The following BCL11B variants were observed in gnomAD, a reference collection of about 807,000 sequenced individuals.
BCL11B encodes the protein BCL11 transcription factor B.
Under a neutral mutation model 49.9 loss-of-function variants are expected in BCL11B, and 8 were observed. The ratio of observed to expected loss-of-function variants is 0.16; its 90% CI spans 0.09 to 0.29. The LOEUF (loss-of-function observed/expected upper bound fraction) is 0.29, where lower values mean the gene tolerates loss of function less well. Among genes scored for constraint, BCL11B ranks in the 10% least tolerant of loss-of-function variants. The probability of loss-of-function intolerance (pLI) is 1.00; values close to 1 mark genes in which losing one functional copy is unlikely to be tolerated. For synonymous variants in BCL11B, 739 were observed against 637.4 expected, an observed-to-expected ratio of 1.16 and a Z score of -2.40; for missense variants, 1,006 against 1,351.0, an observed-to-expected ratio of 0.74 and a Z score of 4.00.
chr14:99,214,676 A>AT (rs1887781739), intron 3 of BCL11B, among the ~76,000 whole-genome samples: 1 of 151,372 alleles, frequency 6.6e-6, no homozygotes. Flanking sequence ...TTAAAAAAAT[A>AT]AATAAATAAA....
At chr14:99,178,416 C>T (rs1169704164) in intron 3 of BCL11B, among the ~76,000 whole-genome samples, 1 of 152,216 alleles carries the variant, frequency 6.6e-6, no homozygotes, top group East Asian at 1.9e-4. Flanking sequence ...GGGAAACCTC[C>T]CCACCTAAGA....
chr14:99,242,408 T>C lies in BCL11B; in HGVS notation c.428-10851A>G, dbSNP rs1333180777. Among the ~76,000 whole-genome samples, 1 of 152,224 alleles carries C rather than the reference T, an allele frequency of 6.6e-6. No individual in the cohort carries two copies. The highest frequency in any genetic ancestry group is 1.5e-5 in the Non-Finnish European group (1 of 68,046). On this transcript the variant is annotated intron_variant, in intron 2 of 3. Coordinates refer to ENST00000357195, the MANE Select transcript of BCL11B (RefSeq NM_138576.4). This position sits in a 1 kb window ranked among gnomAD's most constrained non-coding sequence, Gnocchi z 4.4. ...GGAGAGGGGAATATCACGGCCTTCC[T>C]TGCCCAGCCTTGCATGCCCACGTGG... is the stretch of plus-strand genomic sequence containing the variant.
intron 2 of BCL11B, among the ~76,000 whole-genome samples, chr14:99,245,956 G>A (rs1443907582): frequency 2.0e-5 from 3 of 152,128 alleles, no homozygotes; most frequent in Non-Finnish European, 4.4e-5. Flanking sequence ...GGGGCGGGGG[G>A]GAAAGGAGCC....
At chr14:99,198,972 C>CCACT (rs1469890359) in intron 3 of BCL11B, among the ~76,000 whole-genome samples, 2 of 152,178 alleles carry the variant, frequency 1.3e-5, no homozygotes, top group Admixed American at 1.3e-4. Context: ...TCCCCGGACA[C>CCACT]CACTTGCTCA....
At position 99,205,002 on chromosome 14, in the gene BCL11B, GA is replaced by G. The variant is rs1447117042; in HGVS notation, c.640+26342del. ...AGTCTGTGCCCCCTGTCCTTGGATG[GA>G]GGGGTACCTGGGACAGGACAGGCGG... On this transcript the variant is annotated intron_variant, in intron 3 of 3. Coordinates refer to ENST00000357195, the MANE Select transcript of BCL11B (RefSeq NM_138576.4). This position sits in a 1 kb window ranked among gnomAD's most constrained non-coding sequence, Gnocchi z 5.0. Among the ~76,000 whole-genome samples, 4 of 152,174 alleles carry G rather than the reference GA, an allele frequency of 2.6e-5. No homozygotes were observed. The highest frequency in any genetic ancestry group is 2.0e-4 in the Admixed American group (3 of 15,282).
At chr14:99,261,501 G>A (rs1454905037) in intron 1 of BCL11B, among the ~76,000 whole-genome samples, 3 of 152,122 alleles carry the variant, frequency 2.0e-5, no homozygotes, top group African/African-American at 7.2e-5. Context: ...GGTCCAACCT[G>A]CCACCCAGAG....
At chr14:99,237,310 T>C (rs183131286) in intron 2 of BCL11B, among the ~76,000 whole-genome samples, 132 of 152,144 alleles carry the variant, frequency 8.7e-4, no homozygotes, top group African/African-American at 3.0e-3. Context: ...TTCCATTTCA[T>C]TGTAAAATAT....
At position 99,244,299 on chromosome 14, in the gene BCL11B, C is replaced by T. The variant is rs180671446; in HGVS notation, c.428-12742G>A. 4.0e-4 allele frequency among the ~76,000 whole-genome samples: 61 copies of T among 151,804 alleles called. 2 individuals carry two copies. The East Asian group carries it at 0.011, about 27-fold the overall frequency. ...AGCAAAACATGAACAATTACCCCCC[C>T]CTCACACACACACACACCCCTAGTC... is the stretch of plus-strand genomic sequence containing the variant. On this transcript the variant is annotated intron_variant, in intron 2 of 3. Coordinates refer to ENST00000357195, the MANE Select transcript of BCL11B (RefSeq NM_138576.4).
At chr14:99,259,388 G>A (rs1342958962) in intron 1 of BCL11B, among the ~76,000 whole-genome samples, 2 of 152,162 alleles carry the variant, frequency 1.3e-5, no homozygotes, top group Non-Finnish European at 2.9e-5. Flanking sequence ...TTCTGAACAC[G>A]AGCCTATGCA....
intron 3 of BCL11B, among the ~76,000 whole-genome samples, chr14:99,199,572 G>A (rs890829822): frequency 1.3e-5 from 2 of 151,974 alleles, no homozygotes; most frequent in African/African-American, 4.8e-5. Context: ...TTTGGAAAGC[G>A]ACCACAAGGC....
Position 99,175,096 on chromosome 14 carries a change from C to T in BCL11B, c.1740G>A (p.Gly580=), listed in dbSNP as rs1442635543. 6.3e-7 allele frequency: 1 copy of T among 1,599,410 alleles called. No homozygotes were observed. The highest frequency in any genetic ancestry group is 1.1e-5 in the South Asian group (1 of 90,804). Residue 580 remains glycine (G), a synonymous_variant, in exon 4 of 4, where the codon GGG becomes GGA. Transcript: ENST00000357195. The part of the protein sequence containing the change: ...GGGVPGVPGA[G]GGAAKALADE... ...CAGCCAGCGCCTTGGCCGCGCCGCC[C>T]CCCGCGCCCGGGACCCCGGGCACCC...
intron 3 of BCL11B, among the ~76,000 whole-genome samples, chr14:99,198,042 A>AAG (rs1887229134): frequency 6.6e-6 from 1 of 152,212 alleles, no homozygotes; most frequent in Non-Finnish European, 1.5e-5. Context: ...TGATCCATCG[A>AAG]AGGGCTGGAT....
chr14:99,247,502 G>C lies in BCL11B; in HGVS notation c.427+9969C>G, dbSNP rs1343074413. On this transcript the variant is annotated intron_variant, in intron 2 of 3. Transcript: ENST00000357195. The surrounding 1 kb of genome is among the most constrained non-coding windows in gnomAD (Gnocchi z 4.5). Reference sequence around the variant, plus strand: ...TGTCTCTCTGAGCCCAGGACAGCCAGTCTCTGCCCTCAAACCCCAAGGGAG... The same window carrying C: ...TGTCTCTCTGAGCCCAGGACAGCCACTCTCTGCCCTCAAACCCCAAGGGAG... Among the ~76,000 whole-genome samples, 1 of 152,212 alleles carries C rather than the reference G, an allele frequency of 6.6e-6. No homozygotes were observed. Among genetic ancestry groups the C allele is most frequent in the Non-Finnish European group, 1.5e-5 (1 of 68,044 alleles).
At chr14:99,270,932 C>G (rs1395847568) in intron 1 of BCL11B, among the ~76,000 whole-genome samples, 1 of 151,700 alleles carries the variant, frequency 6.6e-6, no homozygotes, top group Non-Finnish European at 1.5e-5. Context: ...CGCAGGCCCC[C>G]GAGCCCGAGG....
At position 99,231,257 on chromosome 14, in the gene BCL11B, T is replaced by C; in HGVS notation, c.640+88A>G. The C allele has an allele frequency of 7.1e-7, 1 of 1,417,994 alleles. No individual in the cohort carries two copies. 87.8% of individuals were successfully genotyped at this position (1,417,994 alleles called of 1,614,324 possible). ...CCTTCTGGGTGGGAGCTGCCCTTCCTCCCTGGGTCCCCACCTTGCTCCAGC... is the reference window on the plus strand; with the variant it reads ...CCTTCTGGGTGGGAGCTGCCCTTCCCCCCTGGGTCCCCACCTTGCTCCAGC... On this transcript the variant is annotated intron_variant, in intron 3 of 3. Coordinates refer to ENST00000357195, the MANE Select transcript of BCL11B (RefSeq NM_138576.4). The surrounding 1 kb of genome is among the most constrained non-coding windows in gnomAD (Gnocchi z 8.1).
chr14:99,234,531 G>A (rs1462391399), intron 2 of BCL11B, among the ~76,000 whole-genome samples: 1 of 152,150 alleles, frequency 6.6e-6, no homozygotes, highest in Non-Finnish European at 1.5e-5. Context: ...AGGACCGAGA[G>A]GACTGGATTC....
chr14:99,265,840 TA>T (rs1889465084), intron 1 of BCL11B, among the ~76,000 whole-genome samples: 1 of 152,204 alleles, frequency 6.6e-6, no homozygotes. Context: ...CAGGTTAGAA[TA>T]AAGCACTCTT....
chr14:99,211,551 C>A (rs1887689126), intron 3 of BCL11B, among the ~76,000 whole-genome samples: 1 of 152,232 alleles, frequency 6.6e-6, no homozygotes, highest in African/African-American at 2.4e-5. Context: ...TGCACACAGA[C>A]ATATGTGCAC....
rs1887110879 is a variant in BCL11B, at chr14:99,194,019, G to C, written c.641-17824C>G. 6.6e-6 allele frequency among the ~76,000 whole-genome samples: 1 copy of C among 152,118 alleles called. No homozygotes were observed. Among genetic ancestry groups the C allele is most frequent in the South Asian group, 2.1e-4 (1 of 4,828 alleles). ...TGTCAATATGAATGGGGGTACTGGG[G>C]GTTTCAATGGTTTCTGCCAGACAAT... On this transcript the variant is annotated intron_variant, in intron 3 of 3. Coordinates refer to ENST00000357195, the MANE Select transcript of BCL11B (RefSeq NM_138576.4). This position sits in a 1 kb window ranked among gnomAD's most constrained non-coding sequence, Gnocchi z 4.6.
Sources: allele counts gnomAD v4.1 joint callset (sites outside exome capture counted in the v4.1 genomes callset), GRCh38; gene constraint gnomAD v4.1.1; non-coding constraint Gnocchi (gnomAD v3.1); transcripts MANE v1.5; gene names NCBI Gene and HGNC (gene_info 2026-07-23, HGNC 2026-07-21).